Variants in RAD51B observed in about 807,000 individuals in gnomAD.
The protein encoded by RAD51B is DNA repair protein RAD51 homolog 2.
In RAD51B, 38 loss-of-function variants were observed where a neutral mutation model predicts 42.2. The observed-to-expected ratio is 0.90, with a 90% CI of 0.70 to 1.18. The LOEUF is 1.18. RAD51B is among the 50% of genes most tolerant of loss of function. The pLI is 0.00. For synonymous variants in RAD51B, 154 were observed against 145.2 expected (o/e 1.06, Z -0.43); for missense variants, 373 against 400.7 (o/e 0.93, Z 0.59).
At chr14:67,992,965 T>C (rs1198095299) in intron 7 of RAD51B, among the ~76,000 whole-genome samples, 1 of 152,166 alleles carries the variant, frequency 6.6e-6, no homozygotes, top group African/African-American at 2.4e-5. Flanking sequence ...TGGTAAGTGC[T>C]GGTCGCTCTG....
chr14:68,408,794 T>G (rs2084345964), intron 8 of RAD51B, among the ~76,000 whole-genome samples: 1 of 152,180 alleles, frequency 6.6e-6, no homozygotes, highest in African/African-American at 2.4e-5. Context: ...AATTTTAAAA[T>G]AAATAAATAA....
At chr14:68,659,284 C>T (rs1892886233) in intron 11 of RAD51B, among the ~76,000 whole-genome samples, 1 of 152,210 alleles carries the variant, frequency 6.6e-6, no homozygotes, top group Non-Finnish European at 1.5e-5. Flanking sequence ...TCCCATTTCT[C>T]TCCTCTCTGG....
At chr14:68,190,057 A>G (rs1027560447) in intron 7 of RAD51B, among the ~76,000 whole-genome samples, 19 of 152,238 alleles carry the variant, frequency 1.2e-4, no homozygotes, top group Admixed American at 3.3e-4. Flanking sequence ...TAATTTCAAA[A>G]TAATTTCAAA....
At chr14:68,347,984 C>T (rs2082708130) in intron 8 of RAD51B, among the ~76,000 whole-genome samples, 1 of 152,118 alleles carries the variant, frequency 6.6e-6, no homozygotes, top group Admixed American at 6.5e-5. Flanking sequence ...TGAACATCAA[C>T]AGGGCAAGAG....
chr14:67,844,123 G>T (rs2041525187), intron 4 of RAD51B, among the ~76,000 whole-genome samples: 2 of 152,020 alleles, frequency 1.3e-5, no homozygotes, highest in South Asian at 4.1e-4. Flanking sequence ...AGTCACTCAG[G>T]AGCAGGTTGT....
intron 7 of RAD51B, among the ~76,000 whole-genome samples, chr14:67,950,558 CTG>C (rs1304578404): frequency 1.3e-5 from 2 of 152,132 alleles, no homozygotes; most frequent in African/African-American, 4.8e-5. Context: ...AGCAATAAGA[CTG>C]TTTTGCTTTG....
At chr14:68,576,177 C>T (rs1217969067) in intron 10 of RAD51B, among the ~76,000 whole-genome samples, 2 of 152,188 alleles carry the variant, frequency 1.3e-5, no homozygotes, top group Non-Finnish European at 2.9e-5. Flanking sequence ...TCCTGACCTC[C>T]AGCCTCCTGC....
intron 10 of RAD51B, among the ~76,000 whole-genome samples, chr14:68,579,864 C>T (rs1045073307): frequency 2.0e-5 from 3 of 152,344 alleles, no homozygotes; most frequent in Middle Eastern, 3.4e-3. Context: ...GTGCCCCCAC[C>T]GTCGGCTGCA....
intron 8 of RAD51B, among the ~76,000 whole-genome samples, chr14:68,315,587 T>A (rs1232929798): frequency 6.6e-6 from 1 of 152,194 alleles, no homozygotes; most frequent in South Asian, 2.1e-4. Flanking sequence ...AGTGGCGTGA[T>A]CTCTGCTCAC....
chr14:68,226,909 G>T (rs1355926247), intron 7 of RAD51B, among the ~76,000 whole-genome samples: 2 of 152,172 alleles, frequency 1.3e-5, no homozygotes, highest in African/African-American at 4.8e-5. Context: ...ATCCATTCTA[G>T]TTTTTCTTTA....
intron 7 of RAD51B, among the ~76,000 whole-genome samples, chr14:68,056,444 A>G (rs1246389548): frequency 6.6e-6 from 1 of 151,456 alleles, no homozygotes; most frequent in Non-Finnish European, 1.5e-5. Flanking sequence ...CCACCACACC[A>G]GGACTTAAAG....
intron 7 of RAD51B, among the ~76,000 whole-genome samples, chr14:68,286,945 C>T (rs958905356): frequency 1.3e-5 from 2 of 152,186 alleles, no homozygotes; most frequent in Non-Finnish European, 2.9e-5. Flanking sequence ...CTGCCTTAAG[C>T]TACTTTTTAA....
At chr14:67,954,861 T>A (rs1032133411) in intron 7 of RAD51B, among the ~76,000 whole-genome samples, 1 of 152,172 alleles carries the variant, frequency 6.6e-6, no homozygotes, top group Non-Finnish European at 1.5e-5. Context: ...AACTGTTGGC[T>A]GATAGATCTT....
At chr14:68,444,452 G>T (rs2085375487) in intron 9 of RAD51B, among the ~76,000 whole-genome samples, 1 of 114,998 alleles carries the variant, frequency 8.7e-6, no homozygotes, top group Non-Finnish European at 1.9e-5. Flanking sequence ...GTGTGTGTGT[G>T]TGTGTGTGTG....
At chr14:68,489,587 G>T (rs1883910844) in intron 10 of RAD51B, among the ~76,000 whole-genome samples, 1 of 152,198 alleles carries the variant, frequency 6.6e-6, no homozygotes, top group Non-Finnish European at 1.5e-5. Flanking sequence ...TGTTGTGCAA[G>T]TAAAAGAACA....
At chr14:68,566,239 A>G (rs941138778) in intron 10 of RAD51B, among the ~76,000 whole-genome samples, 1 of 152,154 alleles carries the variant, frequency 6.6e-6, no homozygotes, top group African/African-American at 2.4e-5. Context: ...GTCTACAAGT[A>G]TTTGCTGAAT....
intron 8 of RAD51B, among the ~76,000 whole-genome samples, chr14:68,396,572 A>G (rs2083930434): frequency 6.6e-6 from 1 of 152,256 alleles, no homozygotes; most frequent in Non-Finnish European, 1.5e-5. Context: ...TGGAGATGAT[A>G]GTCATAGAAG....
chr14:68,490,125 C>A (rs571571974), intron 10 of RAD51B, among the ~76,000 whole-genome samples: 128 of 152,260 alleles, frequency 8.4e-4, no homozygotes, highest in Non-Finnish European at 1.7e-3. Flanking sequence ...GGAGAAGGGA[C>A]TTCTGTGCAG....
intron 7 of RAD51B, among the ~76,000 whole-genome samples, chr14:68,269,579 G>A (rs796213872): frequency 1.1e-4 from 16 of 152,238 alleles, no homozygotes; most frequent in African/African-American, 3.6e-4. Flanking sequence ...ATCTACACCC[G>A]ATATTTTATT....
Sources: allele counts gnomAD v4.1 joint callset (sites outside exome capture counted in the v4.1 genomes callset), GRCh38; gene constraint gnomAD v4.1.1; transcripts MANE v1.5; gene names NCBI Gene and HGNC (gene_info 2026-07-23, HGNC 2026-07-21).